CAVIN1: variants seen among roughly 807,000 people sequenced by gnomAD.
CAVIN1 encodes the protein caveolae associated protein 1.
Under a neutral mutation model 24.0 loss-of-function variants are expected in CAVIN1, and 16 were observed. The observed-to-expected ratio is 0.67, with a 90% confidence interval of 0.45 to 1.01. The LOEUF is 1.01. CAVIN1 is among the 50% of genes least tolerant of loss of function. The pLI, the probability that CAVIN1 is intolerant of heterozygous loss-of-function variation, is 0.00. For missense variants in CAVIN1, 510 were observed against 551.7 expected, an observed-to-expected ratio of 0.92 and a Z score of 0.76; for synonymous variants, 256 against 256.4, an observed-to-expected ratio of 1.00 and a Z score of 0.02.
chr17:42,419,266 T>A (rs8068844), intron 1 of CAVIN1, among the ~76,000 whole-genome samples: 1 of 151,996 alleles, frequency 6.6e-6, no homozygotes, highest in South Asian at 2.1e-4. Flanking sequence ...ATGATCATAG[T>A]TCCACTCATC....
In CAVIN1 at chr17:42,423,007, C is replaced by T. The variant is rs770304193; in HGVS notation, c.91G>A (p.Ala31Thr). ...CCGGCCCCCGACGGCTCCTCCGCTG[C>T]CTGAGCCCCAGCGGAGGAAGGCTCC... ...APEPSSAGAQ[A>T]AEEPSGAGSE... The change falls in exon 1 of 2, where the codon GCA becomes ACA. Residue 31 changes from alanine to threonine, a missense_variant. Ala to Thr is a moderately conservative substitution (Grantham distance 58). Coordinates refer to ENST00000357037, the MANE Select transcript of CAVIN1 (RefSeq NM_012232.6). The T allele has an allele frequency of 1.9e-6, 3 of 1,612,890 alleles. No homozygotes were observed. The highest frequency in any genetic ancestry group is 2.5e-6 in the Non-Finnish European group (3 of 1,179,782).
At position 42,423,174 on chromosome 17, in the gene CAVIN1, A is replaced by AGGCAGAAGC; in HGVS notation, c.-78_-77insGCTTCTGCC. 1 of 1,181,320 alleles carries AGGCAGAAGC rather than the reference A, an allele frequency of 8.5e-7. No homozygotes were observed. Among genetic ancestry groups the AGGCAGAAGC allele is most frequent in the Non-Finnish European group, 1.2e-6 (1 of 849,128 alleles). The allele number at this position is 1,181,320 out of a possible 1,614,324, so 73.2% of individuals were successfully genotyped here. A position where few individuals can be genotyped will look rare whatever the true frequency, so the allele number is the denominator to read the frequency against. ...GAGACCCGGAGAGAAGCAGGAGCGG[A>AGGCAGAAGC]AGGGAGGAGAGCTAGCGGGCGAGAG... On this transcript the variant is annotated 5_prime_UTR_variant, in exon 1 of 2. Coordinates refer to ENST00000357037, the MANE Select transcript of CAVIN1 (RefSeq NM_012232.6).
rs374130904 is a variant in CAVIN1, at chr17:42,405,308, C to T, written c.552G>A (p.Glu184=). The T allele has an allele frequency of 1.2e-6, 2 of 1,611,814 alleles. No homozygotes were observed. Among genetic ancestry groups the T allele is most frequent in the African/African-American group, 2.7e-5 (2 of 74,954 alleles). Residue 184 remains glutamate, a synonymous_variant, in exon 2 of 2, where the codon GAG becomes GAA. Transcript: ENST00000357037. ...CGGGCCGCTCGCCCTCGCCCAGCTC[C>T]TCGCCCTCCTTCTCTGGCAGCGCCT... ...ESEALPEKEG[E]ELGEGERPEE...
chr17:42,419,756 T>C (rs2085533879), intron 1 of CAVIN1, among the ~76,000 whole-genome samples: 1 of 152,150 alleles, frequency 6.6e-6, no homozygotes, highest in Non-Finnish European at 1.5e-5. Context: ...CCTGATAGAA[T>C]GCAATGTCAA....
At chr17:42,407,537 T>C (rs974739029) in intron 1 of CAVIN1, among the ~76,000 whole-genome samples, 1 of 151,970 alleles carries the variant, frequency 6.6e-6, no homozygotes, top group African/African-American at 2.4e-5. Context: ...AGGAACACCC[T>C]CTCCCAACTT....
chr17:42,418,754 A>C (rs11871801), intron 1 of CAVIN1, among the ~76,000 whole-genome samples: 37,276 of 152,098 alleles, frequency 0.25, 4,827 homozygotes, highest in South Asian at 0.41. Context: ...GAAATGATAA[A>C]TGCTTGATAT....
Position 42,419,300 on chromosome 17 carries a change from T to C in CAVIN1, c.471+3327A>G, listed in dbSNP as rs569817954. The stretch of plus-strand genomic sequence containing the variant: ...TCTGCATGGCATTTTATTTTATTTA[T>C]TGTTGTTATTATTATTATTATTATT... On this transcript the variant is annotated intron_variant, in intron 1 of 1. Transcript: ENST00000357037. Among the ~76,000 whole-genome samples, 26 of 144,602 alleles carry C rather than the reference T, an allele frequency of 1.8e-4. No individual in the cohort carries two copies. The East Asian group carries it at 5.1e-3, about 28-fold the overall frequency. 94.9% of individuals were successfully genotyped at this position (144,602 alleles called of 152,430 possible). A position where few individuals can be genotyped will look rare whatever the true frequency, so the allele number is the denominator to read the frequency against.
chr17:42,422,407 C>T (rs1213792061), intron 1 of CAVIN1, among the ~76,000 whole-genome samples: 1 of 152,146 alleles, frequency 6.6e-6, no homozygotes, highest in Non-Finnish European at 1.5e-5. Flanking sequence ...CAGAGCGCGC[C>T]CCTCTACGCG....
intron 1 of CAVIN1, chr17:42,411,731 A>C (rs2085479956): frequency 3.0e-6 from 3 of 985,414 alleles, no homozygotes; most frequent in Non-Finnish European, 3.6e-6. Context: ...AGCAGGGGGA[A>C]CGGCAGAACC....
intron 1 of CAVIN1, among the ~76,000 whole-genome samples, chr17:42,407,644 C>T (rs1000076954): frequency 7.2e-5 from 11 of 152,204 alleles, no homozygotes; most frequent in African/African-American, 2.7e-4. Context: ...GGCACCAAGC[C>T]ACCTCCAGCT....
Position 42,423,192 on chromosome 17 carries a change from G to T in CAVIN1, c.-95C>A. On this transcript the variant is annotated 5_prime_UTR_variant, in exon 1 of 2. Transcript: ENST00000357037. ...GGAGCGGAAGGGAGGAGAGCTAGCG[G>T]GCGAGAGCGGAGAGCAGAGGAAACT... 9.6e-7 allele frequency: 1 copy of T among 1,041,910 alleles called. No homozygotes were observed. Among genetic ancestry groups the T allele is most frequent in the Non-Finnish European group, 1.4e-6 (1 of 728,280 alleles). The allele number at this position is 1,041,910 out of a possible 1,614,324, so 64.5% of individuals were successfully genotyped here.
Position 42,411,774 on chromosome 17 carries a change from C to T in CAVIN1, c.472-6386G>A, listed in dbSNP as rs553877507. On this transcript the variant is annotated intron_variant, in intron 1 of 1. Transcript: ENST00000357037. ...ATGCGCCTTCATGCTAGGCAGCCTT[C>T]GGGTGCAGCTTAAGTGTGGGGGAGC... is the stretch of plus-strand genomic sequence containing the variant. The T allele has an allele frequency of 6.3e-5, 62 of 985,390 alleles. No homozygotes were observed. The African/African-American group carries it at 9.8e-4, about 16-fold the overall frequency. 61.0% of individuals were successfully genotyped at this position (985,390 alleles called of 1,614,324 possible). A position where few individuals can be genotyped will look rare whatever the true frequency, so the allele number is the denominator to read the frequency against.
At chr17:42,419,059 C>CG (rs113155376) in intron 1 of CAVIN1, among the ~76,000 whole-genome samples, 3 of 151,930 alleles carry the variant, frequency 2.0e-5, no homozygotes, top group African/African-American at 7.2e-5. Context: ...TTGCCGGGCA[C>CG]GGTGGTGGGC....
chr17:42,408,111 A>G (rs1420845540), intron 1 of CAVIN1, among the ~76,000 whole-genome samples: 1 of 152,100 alleles, frequency 6.6e-6, no homozygotes, highest in African/African-American at 2.4e-5. Context: ...AAGGGTGGAG[A>G]GAGCCCCTCC....
intron 1 of CAVIN1, among the ~76,000 whole-genome samples, chr17:42,407,048 T>C (rs1442119966): frequency 6.6e-6 from 1 of 151,810 alleles, no homozygotes; most frequent in Non-Finnish European, 1.5e-5. Context: ...TGCTTTTCTG[T>C]CTTCTCCTTG....
chr17:42,410,892 CAA>C (rs774857493), intron 1 of CAVIN1, among the ~76,000 whole-genome samples: 2 of 76,374 alleles, frequency 2.6e-5, no homozygotes, highest in African/African-American at 1.1e-4. Context: ...GACTCTGTCT[CAA>C]AAAAAAAAAA....
At chr17:42,420,552 C>A (rs1030365973) in intron 1 of CAVIN1, among the ~76,000 whole-genome samples, 1 of 152,222 alleles carries the variant, frequency 6.6e-6, no homozygotes, top group African/African-American at 2.4e-5. Context: ...GCTACTCTTA[C>A]TACCTCAACT....
intron 1 of CAVIN1, chr17:42,411,792 G>A: frequency 1.0e-6 from 1 of 985,434 alleles, no homozygotes; most frequent in Non-Finnish European, 1.2e-6. Context: ...GCTTAAGTGT[G>A]GGGGAGCATT....
intron 1 of CAVIN1, among the ~76,000 whole-genome samples, chr17:42,407,198 A>C (rs1433283616): frequency 6.6e-6 from 1 of 152,130 alleles, no homozygotes; most frequent in Non-Finnish European, 1.5e-5. Flanking sequence ...GAGCACAGAA[A>C]GGGAAAGGGC....
Sources: gnomAD v4.1 joint callset for allele counts (sites outside exome capture counted in the v4.1 genomes callset) on GRCh38, gnomAD v4.1.1 for gene constraint, MANE v1.5 for transcripts, NCBI Gene and HGNC (gene_info 2026-07-23, HGNC 2026-07-21) for gene names.